FRMD4B: variants seen among roughly 807,000 people sequenced by gnomAD.
FRMD4B encodes the protein FERM domain-containing protein 4B.
FRMD4B carries 74 observed loss-of-function variants against 141.5 expected under a neutral mutation model. The ratio of observed to expected loss-of-function variants is 0.52; its 90% CI spans 0.43 to 0.63. The LOEUF (loss-of-function observed/expected upper bound fraction) is 0.63. Ranked by LOEUF, FRMD4B falls within the 30% of genes least tolerant of loss-of-function variation. The probability of loss-of-function intolerance (pLI) is 0.00; values close to 1 mark genes in which losing one functional copy is unlikely to be tolerated. For missense variants in FRMD4B, 1,366 were observed against 1,253.4 expected (o/e 1.09, Z -1.36); for synonymous variants, 506 against 467.9 (o/e 1.08, Z -1.05).
chr3:69,293,187 G>A, intron 4 of FRMD4B: 1 of 263,228 alleles, frequency 3.8e-6, no homozygotes, highest in Non-Finnish European at 7.7e-6. Flanking sequence ...GGATGTCAAA[G>A]AGCACAACAC....
At chr3:69,539,417 C>T (rs561585634) in intron 1 of FRMD4B, among the ~76,000 whole-genome samples, 1 of 152,312 alleles carries the variant, frequency 6.6e-6, no homozygotes, top group Admixed American at 6.5e-5. Flanking sequence ...TCCTCCCACA[C>T]TTTTCTAGAT....
At chr3:69,286,193 T>G (rs1700684324) in intron 5 of FRMD4B, among the ~76,000 whole-genome samples, 1 of 152,184 alleles carries the variant, frequency 6.6e-6, no homozygotes. Flanking sequence ...ACAGAAATAT[T>G]AACCTACACA....
At chr3:69,472,453 G>C (rs1337558075) in intron 1 of FRMD4B, 1 of 446,830 alleles carries the variant, frequency 2.2e-6, no homozygotes, top group Non-Finnish European at 4.4e-6. Flanking sequence ...CCAAACGGAA[G>C]ACCAGCCAGT....
Position 69,219,574 on chromosome 3 carries a change from G to A in FRMD4B, c.732-1195C>T, listed in dbSNP as rs112050003. 2.3e-3 allele frequency among the ~76,000 whole-genome samples: 350 copies of A among 151,880 alleles called. 1 individual carries two copies. Among genetic ancestry groups the A allele is most frequent in the African/African-American group, 8.0e-3 (332 of 41,454 alleles). On this transcript the variant is annotated intron_variant, in intron 9 of 22. Coordinates refer to ENST00000398540, the MANE Select transcript of FRMD4B (RefSeq NM_015123.3). The stretch of plus-strand genomic sequence containing the variant: ...GATGAAGCCACACAATAATGATCAG[G>A]AGAAAGAATAAGACTCTGCATTTAA...
intron 1 of FRMD4B, among the ~76,000 whole-genome samples, chr3:69,437,941 T>A (rs1193424534): frequency 7.2e-6 from 1 of 139,280 alleles, no homozygotes; most frequent in African/African-American, 2.7e-5. Context: ...ATATACTATA[T>A]AACATATACT....
chr3:69,223,796 T>C (rs564678220), intron 8 of FRMD4B, among the ~76,000 whole-genome samples: 1 of 152,108 alleles, frequency 6.6e-6, no homozygotes, highest in Non-Finnish European at 1.5e-5. Flanking sequence ...GCTACTGCAC[T>C]CCAGCCTAGG....
chr3:69,314,149 A>AC (rs1701714532), intron 1 of FRMD4B, among the ~76,000 whole-genome samples: 1 of 123,492 alleles, frequency 8.1e-6, no homozygotes, highest in Non-Finnish European at 1.7e-5. Flanking sequence ...AAAAAAAAAA[A>AC]AAAAAAAAAA....
intron 1 of FRMD4B, among the ~76,000 whole-genome samples, chr3:69,344,660 C>G (rs907594726): frequency 2.6e-5 from 4 of 152,170 alleles, no homozygotes; most frequent in African/African-American, 9.7e-5. Flanking sequence ...CCACACCATA[C>G]TGTTGTATAG....
intron 19 of FRMD4B, among the ~76,000 whole-genome samples, chr3:69,185,992 A>C (rs979244649): frequency 6.6e-6 from 1 of 151,778 alleles, no homozygotes; most frequent in Non-Finnish European, 1.5e-5. Context: ...CAGTGAGCCA[A>C]GATGGTGCTG....
intron 7 of FRMD4B, among the ~76,000 whole-genome samples, chr3:69,245,686 C>T (rs2093420325): frequency 7.5e-6 from 1 of 133,778 alleles, no homozygotes; most frequent in Non-Finnish European, 1.6e-5. Context: ...TTTTTTGTGA[C>T]AGAGTCCCAC....
intron 1 of FRMD4B, among the ~76,000 whole-genome samples, chr3:69,371,139 A>AAG (rs3032162): frequency 0.99 from 150,027 of 152,266 alleles, 73,958 homozygotes; most frequent in East Asian, 1. Context: ...GTGACATTTG[A>AAG]AGAGACCTAC....
intron 4 of FRMD4B, among the ~76,000 whole-genome samples, chr3:69,295,496 AT>A (rs1182154720): frequency 1.3e-5 from 2 of 152,104 alleles, no homozygotes; most frequent in East Asian, 1.9e-4. Context: ...TAATTATTGT[AT>A]TTTTTGTAGA....
chr3:69,348,441 T>C (rs1315140202), intron 1 of FRMD4B, among the ~76,000 whole-genome samples: 1 of 152,118 alleles, frequency 6.6e-6, no homozygotes, highest in African/African-American at 2.4e-5. Flanking sequence ...CTGAAACTAT[T>C]CCAATCAATA....
chr3:69,195,579 G>A (rs2092894570), intron 14 of FRMD4B, among the ~76,000 whole-genome samples: 1 of 152,040 alleles, frequency 6.6e-6, no homozygotes, highest in Non-Finnish European at 1.5e-5. Flanking sequence ...TTTGCATCCT[G>A]GCTCAGTCAT....
At chr3:69,235,064 T>A (rs926805514) in intron 7 of FRMD4B, among the ~76,000 whole-genome samples, 32 of 150,932 alleles carry the variant, frequency 2.1e-4, no homozygotes, top group African/African-American at 7.6e-4. Flanking sequence ...GCAGGAGAAT[T>A]GCTTGAACCC....
intron 1 of FRMD4B, among the ~76,000 whole-genome samples, chr3:69,330,801 T>C (rs970308129): frequency 6.6e-6 from 1 of 152,190 alleles, no homozygotes; most frequent in Admixed American, 6.5e-5. Context: ...CCGGCCTCTT[T>C]TGCCGCTGAA....
chr3:69,361,803 G>A (rs1703477771), intron 1 of FRMD4B, among the ~76,000 whole-genome samples: 1 of 152,146 alleles, frequency 6.6e-6, no homozygotes, highest in Non-Finnish European at 1.5e-5. Context: ...TATAAGCTAT[G>A]AATATTCTTT....
At chr3:69,181,996 T>A (rs2092713209) in intron 20 of FRMD4B, among the ~76,000 whole-genome samples, 1 of 152,028 alleles carries the variant, frequency 6.6e-6, no homozygotes, top group Non-Finnish European at 1.5e-5. Context: ...GATGCACAGT[T>A]TGCATCACAG....
At chr3:69,228,563 G>T (rs776562489) in intron 7 of FRMD4B, 1 of 430,216 alleles carries the variant, frequency 2.3e-6, no homozygotes, top group Non-Finnish European at 4.7e-6. Flanking sequence ...CGCTGGGCAT[G>T]GTGGCTCATG....
Sources: gnomAD v4.1 joint callset for allele counts (sites outside exome capture counted in the v4.1 genomes callset) on GRCh38, gnomAD v4.1.1 for gene constraint, MANE v1.5 for transcripts, NCBI Gene and HGNC (gene_info 2026-07-23, HGNC 2026-07-21) for gene names.